The following CCDC191 variants were observed in gnomAD, a reference collection of about 807,000 sequenced individuals.
The protein encoded by CCDC191 is coiled-coil domain containing 191.
A neutral mutation model predicts 114.0 loss-of-function variants in CCDC191; 99 were observed. That is an observed-to-expected ratio of 0.87 (90% CI 0.74 to 1.03). The LOEUF (loss-of-function observed/expected upper bound fraction) is 1.03. Ranked by LOEUF, CCDC191 falls within the 50% of genes least tolerant of loss-of-function variation. The probability of loss-of-function intolerance (pLI) is 0.00; values close to 1 mark genes in which losing one functional copy is unlikely to be tolerated. For missense variants in CCDC191, 973 were observed against 1,087.0 expected, an observed-to-expected ratio of 0.90 and a Z score of 1.47; for synonymous variants, 351 against 376.0, an observed-to-expected ratio of 0.93 and a Z score of 0.77.
At chr3:114,004,867 A>G in intron 10 of CCDC191, 121 bp from the exon 11 acceptor site, 2 of 1,028,884 alleles carry the variant, frequency 1.9e-6, no homozygotes, top group South Asian at 1.6e-5. Flanking sequence ...TGAGATAACT[A>G]CATATTATAT....
intron 13 of CCDC191, among the ~76,000 whole-genome samples, chr3:113,985,802 C>T (rs1213400287): frequency 1.3e-5 from 2 of 152,188 alleles, no homozygotes; most frequent in South Asian, 2.1e-4. Context: ...ATGGTGACCA[C>T]GGCAACAACA....
chr3:113,987,804 G>A (rs1017607153), intron 13 of CCDC191, among the ~76,000 whole-genome samples: 7 of 152,176 alleles, frequency 4.6e-5, no homozygotes, highest in Non-Finnish European at 1.5e-5. Flanking sequence ...AGCACTTTGG[G>A]AGGCCAAGGC....
At chr3:114,027,660 G>A (rs575084875) in intron 7 of CCDC191, among the ~76,000 whole-genome samples, 3 of 148,290 alleles carry the variant, frequency 2.0e-5, no homozygotes, top group African/African-American at 7.5e-5. Flanking sequence ...AACAATTACA[G>A]GAATTAAAGG....
At chr3:114,033,681 T>C (rs1450824676) in intron 6 of CCDC191, among the ~76,000 whole-genome samples, 1 of 152,222 alleles carries the variant, frequency 6.6e-6, no homozygotes, top group Non-Finnish European at 1.5e-5. Context: ...GTTTTCACAA[T>C]TTATTTTAGG....
chr3:113,975,459 T>C (rs1191654940), intron 16 of CCDC191, among the ~76,000 whole-genome samples: 1 of 152,216 alleles, frequency 6.6e-6, no homozygotes, highest in Non-Finnish European at 1.5e-5. Flanking sequence ...TAAATATTAG[T>C]GTCATTCCTG....
chr3:113,977,713 T>C (rs2074978221), intron 16 of CCDC191, among the ~76,000 whole-genome samples: 1 of 152,196 alleles, frequency 6.6e-6, no homozygotes, highest in African/African-American at 2.4e-5. Context: ...GCGACAGCAA[T>C]GTTCAACGTT....
chr3:113,981,609 CATTTA>C (rs1427142375), intron 13 of CCDC191, among the ~76,000 whole-genome samples: 3 of 152,108 alleles, frequency 2.0e-5, no homozygotes, highest in Non-Finnish European at 4.4e-5. Flanking sequence ...AATACAAAAA[CATTTA>C]ATTTAAGCTG....
At chr3:113,993,125 T>C (rs1353613282) in intron 13 of CCDC191, among the ~76,000 whole-genome samples, 1 of 151,942 alleles carries the variant, frequency 6.6e-6, no homozygotes, top group East Asian at 1.9e-4. Flanking sequence ...TAAAAAAAAA[T>C]TTCAGTAGGC....
chr3:114,039,857 T>G (rs762832864), intron 4 of CCDC191, among the ~76,000 whole-genome samples: 3 of 152,142 alleles, frequency 2.0e-5, no homozygotes, highest in Non-Finnish European at 4.4e-5. Context: ...AGTAAAAAAG[T>G]TGGAGTAAGT....
chr3:114,056,342 A>T (rs774412283), intron 1 of CCDC191, 35 bp downstream of exon 1: 1 of 1,605,020 alleles, frequency 6.2e-7, no homozygotes, highest in South Asian at 1.1e-5. Flanking sequence ...GCCTTGGGAA[A>T]GTCCCCGCCC....
chr3:114,002,364 T>C, intron 12 of CCDC191, 92 bp downstream of exon 12: 2 of 869,428 alleles, frequency 2.3e-6, no homozygotes. Context: ...CTCTATTGTC[T>C]CAGGAGTTCT....
chr3:114,049,045 G>A (rs1348470093), intron 2 of CCDC191, among the ~76,000 whole-genome samples: 4 of 152,202 alleles, frequency 2.6e-5, no homozygotes, highest in Non-Finnish European at 5.9e-5. Flanking sequence ...CCAAATTCTT[G>A]TGCGTTTCAT....
chr3:114,042,684 C>T lies in CCDC191; in HGVS notation c.415+19G>A. On this transcript the variant is annotated intron_variant, in intron 4 of 16. Transcript: ENST00000295878. ...ATTCATTAGATGTTAAAACTTAGAA[C>T]AATCAGGTAAGTTCTTACCATCAAA... is the stretch of plus-strand genomic sequence containing the variant. 4 of 1,520,948 alleles carry T rather than the reference C, an allele frequency of 2.6e-6. No homozygotes were observed. Among genetic ancestry groups the T allele is most frequent in the Non-Finnish European group, 3.5e-6 (4 of 1,141,284 alleles). 94.2% of individuals were successfully genotyped at this position (1,520,948 alleles called of 1,614,324 possible). A position where few individuals can be genotyped will look rare whatever the true frequency, so the allele number is the denominator to read the frequency against.
rs2076198978 is a variant in CCDC191 at position 114,018,609 on chromosome 3, T to C, written c.1163+69A>G. The stretch of plus-strand genomic sequence containing the variant: ...TCTAGTTGGCATGTGTAAAGTTTAT[T>C]TGTGGATTCTTCAGGAGGGAAATAT... On this transcript the variant is annotated intron_variant, in intron 8 of 16. Transcript: ENST00000295878. 6 of 1,267,354 alleles carry C rather than the reference T, an allele frequency of 4.7e-6. No individual in the cohort carries two copies. In the South Asian group the frequency reaches 9.2e-5, roughly 19 times the overall value. The allele number at this position is 1,267,354 out of a possible 1,614,324, so 78.5% of individuals were successfully genotyped here.
chr3:114,004,256 A>T, intron 11 of CCDC191: 1 of 987,944 alleles, frequency 1.0e-6, no homozygotes, highest in Non-Finnish European at 1.2e-6. Context: ...AAATTTGAAC[A>T]TTAACAAAGT....
intron 11 of CCDC191, chr3:114,003,525 T>C: frequency 1.0e-6 from 1 of 985,392 alleles, no homozygotes; most frequent in East Asian, 1.1e-4. Context: ...GAGTCTCTGG[T>C]AATATGCCCT....
At position 114,042,059 on chromosome 3, in the gene CCDC191, G is replaced by C. The variant is rs137912186; in HGVS notation, c.415+644C>G. On this transcript the variant is annotated intron_variant, in intron 4 of 16. Coordinates refer to ENST00000295878, the MANE Select transcript of CCDC191 (RefSeq NM_020817.2). Reference sequence around the variant, plus strand: ...GTAATAACTAACAGATAAATAAGAAGCATTTTATAAATATAAAAATGACAT... The same window carrying C: ...GTAATAACTAACAGATAAATAAGAACCATTTTATAAATATAAAAATGACAT... 2.3e-3 allele frequency among the ~76,000 whole-genome samples: 347 copies of C among 151,994 alleles called. 2 individuals carry two copies. The highest frequency in any genetic ancestry group is 7.9e-3 in the African/African-American group (326 of 41,466).
At chr3:113,986,806 C>G (rs1305255715) in intron 13 of CCDC191, among the ~76,000 whole-genome samples, 3 of 152,118 alleles carry the variant, frequency 2.0e-5, no homozygotes, top group African/African-American at 7.2e-5. Context: ...CGCATGCGCT[C>G]TCTCCCTCTC....
chr3:114,010,019 A>G (rs1374628445), intron 9 of CCDC191, among the ~76,000 whole-genome samples: 1 of 152,156 alleles, frequency 6.6e-6, no homozygotes, highest in Non-Finnish European at 1.5e-5. Context: ...GTTTTAGTAG[A>G]TGTGATTCTG....
Sources: allele counts gnomAD v4.1 joint callset (sites outside exome capture counted in the v4.1 genomes callset), GRCh38; gene constraint gnomAD v4.1.1; transcripts MANE v1.5; gene names NCBI Gene and HGNC (gene_info 2026-07-23, HGNC 2026-07-21).